Variants in CSMD1 observed in about 807,000 individuals in gnomAD.
CSMD1 encodes CUB and sushi domain-containing protein 1.
In CSMD1, 213 loss-of-function variants were observed where a neutral mutation model predicts 417.5. The ratio of observed to expected loss-of-function variants is 0.51; its 90% CI spans 0.46 to 0.57. The LOEUF (loss-of-function observed/expected upper bound fraction) is 0.57. Ranked by LOEUF, CSMD1 falls within the 20% of genes least tolerant of loss-of-function variation. The probability of loss-of-function intolerance (pLI) is 0.00; values close to 1 mark genes in which losing one functional copy is unlikely to be tolerated. For missense variants in CSMD1, 6,923 were observed against 4,529.7 expected, an observed-to-expected ratio of 1.53 and a Z score of -15.17; for synonymous variants, 2,862 against 1,736.8, an observed-to-expected ratio of 1.65 and a Z score of -16.11.
chr8:4,096,498 G>A (rs968204475), intron 3 of CSMD1, among the ~76,000 whole-genome samples: 5 of 152,144 alleles, frequency 3.3e-5, no homozygotes, highest in Non-Finnish European at 7.4e-5. Flanking sequence ...CTCAAATTAT[G>A]AGACAGCCAA....
intron 50 of CSMD1, among the ~76,000 whole-genome samples, chr8:3,042,674 T>A (rs1312743281): frequency 6.6e-6 from 1 of 152,162 alleles, no homozygotes; most frequent in African/African-American, 2.4e-5. Flanking sequence ...CTCCCATGTA[T>A]ACTCTGGGCA....
intron 3 of CSMD1, among the ~76,000 whole-genome samples, chr8:4,322,103 T>C (rs1799302925): frequency 6.6e-6 from 1 of 152,046 alleles, no homozygotes; most frequent in South Asian, 2.1e-4. Flanking sequence ...ATTACATAAA[T>C]ACTTAATATA....
chr8:4,302,528 A>C (rs893229083), intron 3 of CSMD1, among the ~76,000 whole-genome samples: 1 of 152,144 alleles, frequency 6.6e-6, no homozygotes, highest in Non-Finnish European at 1.5e-5. Context: ...GTAGGAAGTC[A>C]GATTAAGAGA....
chr8:2,983,573 T>C (rs1448697617), intron 54 of CSMD1, among the ~76,000 whole-genome samples: 1 of 152,222 alleles, frequency 6.6e-6, no homozygotes, highest in Non-Finnish European at 1.5e-5. Context: ...ACTTGAAGGC[T>C]CTGAGATGAT....
intron 57 of CSMD1, among the ~76,000 whole-genome samples, chr8:2,968,433 G>T (rs966305274): frequency 6.6e-6 from 1 of 152,152 alleles, no homozygotes; most frequent in African/African-American, 2.4e-5. Flanking sequence ...TCAAATAACC[G>T]ATGAAAAATT....
intron 3 of CSMD1, among the ~76,000 whole-genome samples, chr8:4,346,476 A>C (rs1251889868): frequency 6.6e-6 from 1 of 152,270 alleles, no homozygotes; most frequent in Non-Finnish European, 1.5e-5. Context: ...GATATAATCC[A>C]TCCCTGCTCT....
At position 4,630,577 on chromosome 8, in the gene CSMD1, T is replaced by C. The variant is rs148361951; in HGVS notation, c.302+6765A>G. Among the ~76,000 whole-genome samples, 5 of 152,276 alleles carry C rather than the reference T, an allele frequency of 3.3e-5. No homozygotes were observed. The East Asian group carries it at 9.6e-4, about 29-fold the overall frequency. ...TTAAAGCATATGTTGACAAGAGCAA[T>C]TTGAAAGATACATTGAGGAAAATTA... On this transcript the variant is annotated intron_variant, in intron 2 of 69. Coordinates refer to ENST00000635120, the MANE Select transcript of CSMD1 (RefSeq NM_033225.6).
At chr8:3,970,393 G>A (rs558164691) in intron 5 of CSMD1, among the ~76,000 whole-genome samples, 5 of 152,174 alleles carry the variant, frequency 3.3e-5, no homozygotes, top group African/African-American at 4.8e-5. Flanking sequence ...AATCTGAAAC[G>A]AGATTGATTA....
At chr8:4,049,377 C>G (rs1199996189) in intron 3 of CSMD1, among the ~76,000 whole-genome samples, 1 of 151,886 alleles carries the variant, frequency 6.6e-6, no homozygotes, top group East Asian at 1.9e-4. Flanking sequence ...AATCAAAAAT[C>G]TCTGCAGACA....
intron 2 of CSMD1, among the ~76,000 whole-genome samples, chr8:4,420,493 C>T (rs1585047236): frequency 6.6e-6 from 1 of 152,100 alleles, no homozygotes; most frequent in East Asian, 1.9e-4. Flanking sequence ...GTATGAAGCC[C>T]AGCATGCATT....
chr8:3,458,559 T>G (rs888323812), intron 12 of CSMD1, among the ~76,000 whole-genome samples: 2 of 152,250 alleles, frequency 1.3e-5, no homozygotes, highest in African/African-American at 4.8e-5. Flanking sequence ...ATTACTTGTT[T>G]GTTTTAATAT....
intron 7 of CSMD1, among the ~76,000 whole-genome samples, chr8:3,671,475 AT>A (rs1799033428): frequency 3.0e-5 from 4 of 132,582 alleles, no homozygotes; most frequent in Admixed American, 7.9e-5. Context: ...ATATAATCAT[AT>A]ATATACTCAT....
chr8:4,024,217 G>A (rs1434355734), intron 4 of CSMD1, among the ~76,000 whole-genome samples: 6 of 152,140 alleles, frequency 3.9e-5, no homozygotes, highest in Admixed American at 2.0e-4. Flanking sequence ...ATGGGAAACA[G>A]AAGTGATGTA....
Position 4,284,867 on chromosome 8 carries a change from C to G in CSMD1, c.415+135086G>C, listed in dbSNP as rs371915186. 5.9e-5 allele frequency among the ~76,000 whole-genome samples: 9 copies of G among 151,978 alleles called. No individual in the cohort carries two copies. The East Asian group carries it at 1.2e-3, about 20-fold the overall frequency. ...ACAAAGAAACAAAAACAAAAAAAAA[C>G]TAGTTTAAAAAACACTTTTCTGTCT... is the stretch of plus-strand genomic sequence containing the variant. On this transcript the variant is annotated intron_variant, in intron 3 of 69. Coordinates refer to ENST00000635120, the MANE Select transcript of CSMD1 (RefSeq NM_033225.6).
chr8:4,375,900 A>G (rs947694572), intron 3 of CSMD1, among the ~76,000 whole-genome samples: 1 of 152,188 alleles, frequency 6.6e-6, no homozygotes, highest in South Asian at 2.1e-4. Flanking sequence ...AAATGCCTTC[A>G]GGATACGGCC....
At chr8:4,159,847 C>G (rs1254416602) in intron 3 of CSMD1, among the ~76,000 whole-genome samples, 1 of 152,042 alleles carries the variant, frequency 6.6e-6, no homozygotes, top group Non-Finnish European at 1.5e-5. Flanking sequence ...GAATGGAAAA[C>G]TAAAGACCGT....
At chr8:3,286,103 T>G (rs1803135171) in intron 25 of CSMD1, among the ~76,000 whole-genome samples, 1 of 152,156 alleles carries the variant, frequency 6.6e-6, no homozygotes, top group Non-Finnish European at 1.5e-5. Context: ...TGAGATAGTT[T>G]GCTGAGAATC....
chr8:3,205,968 A>T (rs986919987), intron 30 of CSMD1, among the ~76,000 whole-genome samples: 2 of 152,178 alleles, frequency 1.3e-5, no homozygotes, highest in Non-Finnish European at 2.9e-5. Flanking sequence ...TTCGAAGTCA[A>T]TCCTCATATT....
chr8:3,099,886 T>C (rs7007249), intron 46 of CSMD1, among the ~76,000 whole-genome samples: 7,671 of 152,182 alleles, frequency 0.05, 493 homozygotes, highest in African/African-American at 0.15. Context: ...ACCAAAGAGG[T>C]AGCAGATAAT....
Sources: gnomAD v4.1 joint callset for allele counts (sites outside exome capture counted in the v4.1 genomes callset) on GRCh38, gnomAD v4.1.1 for gene constraint, MANE v1.5 for transcripts, NCBI Gene and HGNC (gene_info 2026-07-23, HGNC 2026-07-21) for gene names.